The following FNTA variants were observed in gnomAD, a reference collection of about 807,000 sequenced individuals.
FNTA encodes farnesyltransferase, CAAX box, subunit alpha.
A neutral mutation model predicts 55.2 loss-of-function variants in FNTA; 27 were observed. The ratio of observed to expected loss-of-function variants is 0.49; its 90% CI spans 0.36 to 0.67. FNTA has a LOEUF of 0.67. Ranked by LOEUF, FNTA falls within the 30% of genes least tolerant of loss-of-function variation. The pLI is 0.00. For synonymous variants in FNTA, 176 were observed against 170.7 expected (o/e 1.03, Z -0.24); for missense variants, 422 against 464.7 (o/e 0.91, Z 0.85).
intron 5 of FNTA, 87 bp downstream of exon 5, chr8:43,072,394 A>C: frequency 1.0e-6 from 1 of 970,398 alleles, no homozygotes; most frequent in Non-Finnish European, 1.4e-6. Context: ...TCTAAACCAA[A>C]ACACACACAT....
chr8:43,062,342 C>T (rs909023994), intron 2 of FNTA, among the ~76,000 whole-genome samples: 3 of 151,880 alleles, frequency 2.0e-5, no homozygotes, highest in East Asian at 1.9e-4. Context: ...AGTACAATGG[C>T]GTGATCTCGG....
In FNTA at chr8:43,085,504, GA is replaced by G; in HGVS notation, c.*227del. ...CAAAGTCATTGGATGGGAGGAGGAAGAAAAAGTCCCATAAAGGAACTTTTGT... is the reference window on the plus strand; with the variant it reads ...CAAAGTCATTGGATGGGAGGAGGAAGAAAAGTCCCATAAAGGAACTTTTGT... On this transcript the variant is annotated 3_prime_UTR_variant, in exon 9 of 9. Coordinates refer to ENST00000302279, the MANE Select transcript of FNTA (RefSeq NM_002027.3). 1 of 519,844 alleles carries G rather than the reference GA, an allele frequency of 1.9e-6. No individual in the cohort carries two copies. The highest frequency in any genetic ancestry group is 3.0e-5 in the South Asian group (1 of 33,826). 32.2% of individuals were successfully genotyped at this position (519,844 alleles called of 1,614,324 possible).
chr8:43,070,744 C>T (rs1465263738), intron 4 of FNTA, among the ~76,000 whole-genome samples: 3 of 152,194 alleles, frequency 2.0e-5, no homozygotes, highest in South Asian at 2.1e-4. Context: ...GTAGTACAGG[C>T]GATGCAAATT....
rs756611552 is a variant in FNTA at position 43,085,278 on chromosome 8, A to G, written c.1136A>G (p.Gln379Arg). The G allele has an allele frequency of 1.9e-6, 3 of 1,602,206 alleles. No individual in the cohort carries two copies. The highest frequency in any genetic ancestry group is 1.3e-5 in the African/African-American group (1 of 74,192). The change falls in exon 9 of 9, where the codon CAA (glutamine) becomes CGA (arginine). Residue 379 changes from glutamine to arginine, a missense_variant. Around this residue, in one of 2 missense-constraint regions of FNTA, gnomAD observed 262 missense variants for 343.1 expected, o/e 0.76. Transcript: ENST00000302279. The stretch of plus-strand genomic sequence containing the variant: ...AATGACTCACCAACAAATGTACAGC[A>G]ATAACACCATCCAGAAGAACTTGAT... ...TENDSPTNVQ[Q>R]
chr8:43,080,757 A>T (rs569314926), intron 6 of FNTA: 3 of 152,254 alleles, frequency 2.0e-5, no homozygotes, highest in Non-Finnish European at 2.9e-5. Flanking sequence ...TGGACAGCAC[A>T]TACAAAACAT....
chr8:43,083,271 GA>G (rs1811060746), intron 7 of FNTA, 91 bp downstream of exon 7: 1 of 718,318 alleles, frequency 1.4e-6, no homozygotes, highest in South Asian at 2.1e-5. Context: ...ATTCCAAAAG[GA>G]TAGTAAATAA....
At position 43,069,214 on chromosome 8, in the gene FNTA, C is replaced by T. The variant is rs139183048; in HGVS notation, c.402-341C>T. On this transcript the variant is annotated intron_variant, in intron 3 of 8. Transcript: ENST00000302279. ...CATTGCAACCTCTGCCTCCTGGGTT[C>T]AAGCAATTCTCCTGCCTCAGCCTCC... 1.3e-3 allele frequency among the ~76,000 whole-genome samples: 200 copies of T among 151,934 alleles called. 1 individual carries two copies. Among genetic ancestry groups the T allele is most frequent in the South Asian group, 0.011 (52 of 4,802 alleles).
intron 4 of FNTA, 116 bp from the exon 5 acceptor site, chr8:43,072,065 G>A: frequency 1.5e-6 from 1 of 679,478 alleles, no homozygotes; most frequent in Non-Finnish European, 2.2e-6. Context: ...TTAAGAATTA[G>A]AGATGAATTT....
Position 43,056,385 on chromosome 8 carries a change from G to T in FNTA, c.39G>T (p.Gly13=). 6.7e-7 allele frequency: 1 copy of T among 1,483,470 alleles called. No homozygotes were observed. The highest frequency in any genetic ancestry group is 1.5e-5 in the African/African-American group (1 of 68,626). The allele number at this position is 1,483,470 out of a possible 1,614,324, so 91.9% of individuals were successfully genotyped here. A position where few individuals can be genotyped will look rare whatever the true frequency, so the allele number is the denominator to read the frequency against. The change falls in exon 1 of 9, where the codon GGG becomes GGT. Residue 13 remains glycine (G), a synonymous_variant. Coordinates refer to ENST00000302279, the MANE Select transcript of FNTA (RefSeq NM_002027.3). The part of the protein sequence containing the change: ...ATEGVGEAAQ[G]GEPGQPAQPP... ...AGGGGGTCGGGGAGGCTGCGCAAGG[G>T]GGCGAGCCCGGGCAGCCGGCGCAAC...
At chr8:43,063,715 G>C (rs1188442288) in intron 2 of FNTA, among the ~76,000 whole-genome samples, 5 of 152,094 alleles carry the variant, frequency 3.3e-5, no homozygotes, top group Non-Finnish European at 2.9e-5. Context: ...TTTTTGTACT[G>C]TTTGAGTTTT....
In FNTA at chr8:43,085,035, C is replaced by T. The variant is rs1043799972; in HGVS notation, c.1018-125C>T. 1.8e-5 allele frequency: 20 copies of T among 1,117,566 alleles called. No individual in the cohort carries two copies. The African/African-American group carries it at 3.2e-4, about 18-fold the overall frequency. The allele number at this position is 1,117,566 out of a possible 1,614,324, so 69.2% of individuals were successfully genotyped here. ...GCAGCATTGACATCACTTGGCAACA[C>T]AGCCGGTGACTCTTAATAGTGTGTC... On this transcript the variant is annotated intron_variant, in intron 8 of 8. Coordinates refer to ENST00000302279, the MANE Select transcript of FNTA (RefSeq NM_002027.3).
chr8:43,067,164 C>T (rs1810680265), intron 3 of FNTA, among the ~76,000 whole-genome samples: 1 of 152,194 alleles, frequency 6.6e-6, no homozygotes, highest in Non-Finnish European at 1.5e-5. Flanking sequence ...TTGTCTCCTG[C>T]CCAAGACAGG....
intron 6 of FNTA, chr8:43,081,555 C>T (rs1352196638): frequency 2.0e-5 from 3 of 152,142 alleles, no homozygotes; most frequent in South Asian, 2.1e-4. Context: ...CAAAGTTCAT[C>T]GGTCTTTTTG....
chr8:43,076,124 A>G (rs1024604214), intron 5 of FNTA, among the ~76,000 whole-genome samples: 2 of 151,358 alleles, frequency 1.3e-5, no homozygotes, highest in Non-Finnish European at 2.9e-5. Context: ...GCTCATTGCA[A>G]CCTCCACCTC....
intron 4 of FNTA, among the ~76,000 whole-genome samples, chr8:43,070,783 T>C (rs1455886549): frequency 6.6e-6 from 1 of 152,238 alleles, no homozygotes; most frequent in Non-Finnish European, 1.5e-5. Context: ...ATCACTTTTA[T>C]TAACTTCTAA....
chr8:43,064,062 G>A lies in FNTA; in HGVS notation c.287-39G>A, dbSNP rs1418594104. 3 of 1,254,392 alleles carry A rather than the reference G, an allele frequency of 2.4e-6. No individual in the cohort carries two copies. In the Admixed American group the frequency reaches 5.2e-5, roughly 22 times the overall value. 77.7% of individuals were successfully genotyped at this position (1,254,392 alleles called of 1,614,324 possible). On this transcript the variant is annotated intron_variant, in intron 2 of 8. Transcript: ENST00000302279. ...TTATACATTATAGTGCTAATTTTAA[G>A]TAAGATGGTCCTAATGTAGTTGTGT...
chr8:43,077,493 G>A, intron 6 of FNTA, 129 bp downstream of exon 6: 1 of 535,746 alleles, frequency 1.9e-6, no homozygotes, highest in Admixed American at 3.4e-5. Flanking sequence ...GTACTGAGTG[G>A]AACATAGGAT....
chr8:43,056,511 T>C lies in FNTA; in HGVS notation c.165T>C (p.Phe55=). ...EAVASPMDDG[F]VSLDSPSYVL... is the part of the protein sequence containing the mutation. Reference sequence around the variant, plus strand: ...TGGCGTCCCCCATGGACGACGGGTTTGTGAGCCTGGACTCGCCCTCCTATG... The same window carrying C: ...TGGCGTCCCCCATGGACGACGGGTTCGTGAGCCTGGACTCGCCCTCCTATG... The change falls in exon 1 of 9, where the codon TTT becomes TTC. Residue 55 remains phenylalanine, a synonymous_variant. Transcript: ENST00000302279. 1 of 1,565,984 alleles carries C rather than the reference T, an allele frequency of 6.4e-7. No homozygotes were observed. The highest frequency in any genetic ancestry group is 8.6e-7 in the Non-Finnish European group (1 of 1,159,610).
Position 43,064,218 on chromosome 8 carries a change from A to C in FNTA, c.401+3A>C. On this transcript the variant is annotated splice_donor_region_variant and intron_variant, in intron 3 of 8. Transcript: ENST00000302279. ...AATGCAGCCAATTATACAGTGTGGT[A>C]AGTAATACACATCATCAGTATTCCC... is the stretch of plus-strand genomic sequence containing the variant. 6.5e-7 allele frequency: 1 copy of C among 1,537,592 alleles called. No homozygotes were observed. The highest frequency in any genetic ancestry group is 9.0e-7 in the Non-Finnish European group (1 of 1,110,468).
Sources: allele counts gnomAD v4.1 joint callset (sites outside exome capture counted in the v4.1 genomes callset), GRCh38; gene constraint gnomAD v4.1.1; regional missense constraint gnomAD v4.1.1; transcripts MANE v1.5; gene names NCBI Gene and HGNC (gene_info 2026-07-23, HGNC 2026-07-21).